STIM2: variants seen among roughly 807,000 people sequenced by gnomAD.
STIM2 encodes stromal interaction molecule 2.
STIM2 carries 31 observed loss-of-function variants against 85.8 expected under a neutral mutation model. The ratio of observed to expected loss-of-function variants is 0.36; its 90% confidence interval spans 0.27 to 0.49. The LOEUF is 0.49. Ranked by LOEUF, STIM2 falls within the 20% of genes least tolerant of loss-of-function variation. The pLI is 0.98. For missense variants in STIM2, 841 were observed against 927.6 expected (o/e 0.91, Z 1.21); for synonymous variants, 356 against 331.1 (o/e 1.08, Z -0.82).
intron 5 of STIM2, among the ~76,000 whole-genome samples, chr4:27,000,341 G>A (rs1002730153): frequency 6.6e-6 from 1 of 152,142 alleles, no homozygotes; most frequent in African/African-American, 2.4e-5. Flanking sequence ...TGCACTGTTG[G>A]TGGAAATTAC....
chr4:26,989,006 C>G (rs536193547), intron 3 of STIM2, among the ~76,000 whole-genome samples: 206 of 152,312 alleles, frequency 1.4e-3, no homozygotes, highest in African/African-American at 4.8e-3. Flanking sequence ...GCAGTCTTGG[C>G]TCACTGCAGC....
intron 2 of STIM2, among the ~76,000 whole-genome samples, chr4:26,945,734 G>A (rs569550894): frequency 6.6e-6 from 1 of 152,066 alleles, no homozygotes; most frequent in Non-Finnish European, 1.5e-5. Flanking sequence ...CTTGTTGGCT[G>A]TATGTATGTC....
In STIM2 at chr4:27,008,764, G is replaced by A; in HGVS notation, c.1251G>A (p.Lys417=). 6.2e-7 allele frequency: 1 copy of A among 1,613,868 alleles called. No individual in the cohort carries two copies. Among genetic ancestry groups the A allele is most frequent in the Non-Finnish European group, 8.5e-7 (1 of 1,179,878 alleles). The change falls in exon 10 of 12, where the codon AAG becomes AAA. Residue 417 remains lysine (K), a splice_region_variant and synonymous_variant. Transcript: ENST00000467087. ...GTAATTTCTTTATTGGCTTTTCCAG[G>A]AAAGCTCTCTCTGAGTTGACAACTT...
chr4:26,935,906 G>A (rs1725374743), intron 2 of STIM2, among the ~76,000 whole-genome samples: 1 of 151,990 alleles, frequency 6.6e-6, no homozygotes, highest in South Asian at 2.1e-4. Flanking sequence ...AAATACTACT[G>A]TGATGCTCTT....
At chr4:26,971,335 T>C (rs912455858) in intron 3 of STIM2, among the ~76,000 whole-genome samples, 2 of 152,204 alleles carry the variant, frequency 1.3e-5, no homozygotes, top group Non-Finnish European at 2.9e-5. Context: ...ATGTCCTGAA[T>C]GGTATTGCCT....
At chr4:26,881,619 A>C (rs906880829) in intron 1 of STIM2, 2 of 152,194 alleles carry the variant, frequency 1.3e-5, no homozygotes, top group African/African-American at 4.8e-5. Flanking sequence ...TGTAAGCAAA[A>C]AAATTTCTGT....
intron 1 of STIM2, among the ~76,000 whole-genome samples, chr4:26,878,708 T>A (rs1360589310): frequency 2.6e-5 from 4 of 152,218 alleles, no homozygotes; most frequent in Non-Finnish European, 5.9e-5. Flanking sequence ...CTGGGTAATT[T>A]ATGAACAAAA....
intron 1 of STIM2, among the ~76,000 whole-genome samples, chr4:26,905,379 A>G (rs1724084824): frequency 6.6e-6 from 1 of 152,146 alleles, no homozygotes; most frequent in African/African-American, 2.4e-5. Flanking sequence ...CCATGGGTTA[A>G]GCTGTGAAAG....
intron 7 of STIM2, among the ~76,000 whole-genome samples, chr4:27,005,580 A>AT (rs1728306611): frequency 6.6e-6 from 1 of 152,124 alleles, no homozygotes; most frequent in Non-Finnish European, 1.5e-5. Flanking sequence ...TTATTACTCA[A>AT]TTTTTTCTGT....
intron 2 of STIM2, among the ~76,000 whole-genome samples, chr4:26,947,541 G>T (rs973384400): frequency 7.9e-5 from 12 of 152,094 alleles, no homozygotes; most frequent in Non-Finnish European, 1.6e-4. Flanking sequence ...TGTGGGACTT[G>T]GAGGAGGGGG....
At chr4:26,872,268 C>T (rs572777199) in intron 1 of STIM2, among the ~76,000 whole-genome samples, 6 of 152,032 alleles carry the variant, frequency 3.9e-5, no homozygotes, top group African/African-American at 1.4e-4. Flanking sequence ...AAATATGAAG[C>T]TAAGTATAGA....
intron 11 of STIM2, among the ~76,000 whole-genome samples, chr4:27,019,899 T>C (rs1728856701): frequency 6.6e-6 from 1 of 152,222 alleles, no homozygotes; most frequent in Non-Finnish European, 1.5e-5. Context: ...AAATTTGAAC[T>C]TGTATTATGT....
At chr4:27,012,402 G>C (rs150922442) in intron 10 of STIM2, among the ~76,000 whole-genome samples, 2 of 151,862 alleles carry the variant, frequency 1.3e-5, no homozygotes, top group African/African-American at 4.8e-5. Context: ...CTATCTTTAA[G>C]TAAAATTGAT....
chr4:26,967,669 T>A (rs193000071), intron 3 of STIM2, among the ~76,000 whole-genome samples: 1 of 152,342 alleles, frequency 6.6e-6, no homozygotes, highest in African/African-American at 2.4e-5. Flanking sequence ...CTGCCTTTTT[T>A]AACTGTTATT....
chr4:27,009,092 G>A (rs770519442), intron 10 of STIM2, 90 bp downstream of exon 10: 116 of 1,162,956 alleles, frequency 1.0e-4, no homozygotes, highest in Non-Finnish European at 1.4e-4. Flanking sequence ...TTCGAAATCT[G>A]TGAGAAAAAA....
At chr4:26,892,332 T>C (rs1723523617) in intron 1 of STIM2, among the ~76,000 whole-genome samples, 1 of 152,204 alleles carries the variant, frequency 6.6e-6, no homozygotes, top group Admixed American at 6.5e-5. Context: ...CAGTGTCTAG[T>C]GAGGGCACTC....
At chr4:27,010,573 T>TA (rs765427172) in intron 10 of STIM2, among the ~76,000 whole-genome samples, 1 of 152,218 alleles carries the variant, frequency 6.6e-6, no homozygotes, top group Non-Finnish European at 1.5e-5. Context: ...TCTGCTTAGT[T>TA]ACAAAAGCCT....
chr4:26,908,880 A>G (rs1724228246), intron 1 of STIM2, among the ~76,000 whole-genome samples: 1 of 152,222 alleles, frequency 6.6e-6, no homozygotes, highest in Non-Finnish European at 1.5e-5. Context: ...ATCAGTCAAA[A>G]GATTTAGAAC....
chr4:27,004,199 C>T (rs1728255685), intron 7 of STIM2, among the ~76,000 whole-genome samples: 1 of 152,160 alleles, frequency 6.6e-6, no homozygotes, highest in African/African-American at 2.4e-5. Context: ...TGACTGAACA[C>T]AGCCATCTTT....
Sources: gnomAD v4.1 joint callset for allele counts (sites outside exome capture counted in the v4.1 genomes callset) on GRCh38, gnomAD v4.1.1 for gene constraint, MANE v1.5 for transcripts, NCBI Gene and HGNC (gene_info 2026-07-23, HGNC 2026-07-21) for gene names.